XRCC4: variants seen among roughly 807,000 people sequenced by gnomAD.
XRCC4 encodes the protein X-ray repair cross complementing 4.
XRCC4 carries 28 observed loss-of-function variants against 39.1 expected under a neutral mutation model. The ratio of observed to expected loss-of-function variants is 0.72; its 90% CI spans 0.53 to 0.98. The LOEUF (loss-of-function observed/expected upper bound fraction) is 0.98. Ranked by LOEUF, XRCC4 falls within the 50% of genes least tolerant of loss-of-function variation. XRCC4 has a pLI of 0.00. For synonymous variants in XRCC4, 123 were observed against 126.4 expected (o/e 0.97, Z 0.18); for missense variants, 350 against 376.4 (o/e 0.93, Z 0.58).
intron 3 of XRCC4, among the ~76,000 whole-genome samples, chr5:83,179,040 A>G (rs1580335081): frequency 6.6e-6 from 1 of 152,184 alleles, no homozygotes. Flanking sequence ...GAATAGATTG[A>G]CCTGCCATGT....
At chr5:83,330,699 G>A (rs1756411244) in intron 7 of XRCC4, among the ~76,000 whole-genome samples, 2 of 151,894 alleles carry the variant, frequency 1.3e-5, no homozygotes, top group Non-Finnish European at 2.9e-5. Flanking sequence ...CCTATAACAT[G>A]TATATTACAT....
intron 3 of XRCC4, among the ~76,000 whole-genome samples, chr5:83,186,032 T>G (rs1202980321): frequency 6.6e-6 from 1 of 152,180 alleles, no homozygotes; most frequent in South Asian, 2.1e-4. Flanking sequence ...GAACTCTTAC[T>G]ATGAGCATAG....
chr5:83,282,544 C>T (rs530351916), intron 7 of XRCC4, among the ~76,000 whole-genome samples: 97 of 151,888 alleles, frequency 6.4e-4, no homozygotes, highest in Non-Finnish European at 8.2e-4. Flanking sequence ...AAAATCCGAT[C>T]ATAAAAATAA....
At chr5:83,347,179 T>C (rs557855979) in intron 7 of XRCC4, among the ~76,000 whole-genome samples, 70 of 152,214 alleles carry the variant, frequency 4.6e-4, no homozygotes, top group African/African-American at 1.6e-3. Context: ...TAATATATTA[T>C]AGAGTAAAAA....
intron 3 of XRCC4, among the ~76,000 whole-genome samples, chr5:83,154,128 AC>A (rs1174958939): frequency 6.6e-6 from 1 of 152,134 alleles, no homozygotes; most frequent in Non-Finnish European, 1.5e-5. Context: ...TTTGCTACTT[AC>A]AGTTTTGGAA....
chr5:83,318,177 A>G (rs1755942241), intron 7 of XRCC4, among the ~76,000 whole-genome samples: 1 of 145,000 alleles, frequency 6.9e-6, no homozygotes, highest in South Asian at 2.1e-4. Flanking sequence ...AAAACTCTCA[A>G]TGAATTAGGT....
At chr5:83,222,199 A>T (rs1398259468) in intron 6 of XRCC4, among the ~76,000 whole-genome samples, 1 of 151,928 alleles carries the variant, frequency 6.6e-6, no homozygotes, top group African/African-American at 2.4e-5. Flanking sequence ...TTTAGGTTAG[A>T]TCTACTAAGA....
At chr5:83,365,823 A>T in the XRCC4 span, among the ~76,000 whole-genome samples, 1 of 152,230 alleles carries the variant, frequency 6.6e-6, no homozygotes, top group Non-Finnish European at 1.5e-5. Context: ...AATAATTAAG[A>T]TGATCTTTCC....
At chr5:83,205,662 G>T (rs553095688) in intron 6 of XRCC4, among the ~76,000 whole-genome samples, 2 of 152,166 alleles carry the variant, frequency 1.3e-5, no homozygotes, top group Non-Finnish European at 2.9e-5. Context: ...ACTTTGCTAT[G>T]CATTAGACAG....
intron 7 of XRCC4, among the ~76,000 whole-genome samples, chr5:83,297,492 G>A (rs1561460953): frequency 2.0e-5 from 3 of 151,830 alleles, no homozygotes; most frequent in African/African-American, 7.2e-5. Context: ...TTTCTCTTGA[G>A]TTTTCTATGA....
intron 2 of XRCC4, among the ~76,000 whole-genome samples, chr5:83,106,497 A>G (rs1746204638): frequency 6.6e-6 from 1 of 152,094 alleles, no homozygotes; most frequent in Admixed American, 6.6e-5. Context: ...GCTGAATTCT[A>G]ATCTAGTCCA....
chr5:83,362,752 A>T, the XRCC4 span, among the ~76,000 whole-genome samples: 1 of 152,044 alleles, frequency 6.6e-6, no homozygotes, highest in East Asian at 1.9e-4. Context: ...GGGGTTTTTG[A>T]TGATGGCAAA....
downstream of XRCC4, among the ~76,000 whole-genome samples, chr5:83,357,045 C>T (rs1423265897): frequency 6.6e-6 from 1 of 152,188 alleles, no homozygotes; most frequent in East Asian, 1.9e-4. Flanking sequence ...AATACAGGAC[C>T]CTGTGTTTTT....
chr5:83,178,663 G>T (rs1205983957), intron 3 of XRCC4, among the ~76,000 whole-genome samples: 1 of 152,108 alleles, frequency 6.6e-6, no homozygotes, highest in Non-Finnish European at 1.5e-5. Flanking sequence ...AGTAAAGGGG[G>T]ATTAAGGGAG....
At position 83,158,760 on chromosome 5, in the gene XRCC4, T is replaced by G. The variant is rs542681039; in HGVS notation, c.316-37010T>G. On this transcript the variant is annotated intron_variant, in intron 3 of 7. Transcript: ENST00000396027. ...GCCCAGTTTTACTGTAAGAAACTGCTTTTTTCTCTTTAGTTATGAAATAGA... is the reference window on the plus strand; with the variant it reads ...GCCCAGTTTTACTGTAAGAAACTGCGTTTTTCTCTTTAGTTATGAAATAGA... Among the ~76,000 whole-genome samples, 4 of 152,278 alleles carry G rather than the reference T, an allele frequency of 2.6e-5. No homozygotes were observed. The South Asian group carries it at 6.2e-4, about 24-fold the overall frequency.
At chr5:83,229,684 T>TTTTTTTTTTAA (rs1752425537) in intron 6 of XRCC4, among the ~76,000 whole-genome samples, 1 of 140,934 alleles carries the variant, frequency 7.1e-6, no homozygotes, top group African/African-American at 2.7e-5. Context: ...TTTTTTTTGC[T>TTTTTTTTTTAA]AAAGATGACT....
chr5:83,264,649 ACT>A (rs1753891491), intron 7 of XRCC4, among the ~76,000 whole-genome samples: 1 of 152,058 alleles, frequency 6.6e-6, no homozygotes, highest in South Asian at 2.1e-4. Flanking sequence ...GAGACCTGGT[ACT>A]CTGTGTCGTT....
intron 7 of XRCC4, among the ~76,000 whole-genome samples, chr5:83,342,524 A>T (rs755980127): frequency 1.3e-5 from 2 of 152,180 alleles, no homozygotes; most frequent in African/African-American, 2.4e-5. Flanking sequence ...AGTCATATTC[A>T]TTAGAAAAAG....
intron 3 of XRCC4, among the ~76,000 whole-genome samples, chr5:83,136,250 A>G (rs1747891907): frequency 6.6e-6 from 1 of 152,188 alleles, no homozygotes; most frequent in East Asian, 1.9e-4. Flanking sequence ...TCTTGTCTTT[A>G]GCAAGCTAGA....
Sources: gnomAD v4.1 joint callset for allele counts (sites outside exome capture counted in the v4.1 genomes callset) on GRCh38, gnomAD v4.1.1 for gene constraint, MANE v1.5 for transcripts, NCBI Gene and HGNC (gene_info 2026-07-23, HGNC 2026-07-21) for gene names.